Variants in LRBA observed in about 807,000 individuals in gnomAD.
The protein encoded by LRBA is lipopolysaccharide-responsive and beige-like anchor protein.
In LRBA, 176 loss-of-function variants were observed where a neutral mutation model predicts 330.0. The ratio of observed to expected loss-of-function variants is 0.53; its 90% confidence interval spans 0.47 to 0.60. The LOEUF is 0.60. LRBA is among the 20% of genes least tolerant of loss of function. LRBA has a pLI of 0.00. For synonymous variants in LRBA, 1,230 were observed against 1,193.0 expected (o/e 1.03, Z -0.64); for missense variants, 3,259 against 3,444.8 (o/e 0.95, Z 1.35).
intron 37 of LRBA, among the ~76,000 whole-genome samples, chr4:150,607,320 G>C (rs1185873956): frequency 6.6e-6 from 1 of 152,046 alleles, no homozygotes; most frequent in Non-Finnish European, 1.5e-5. Context: ...ATGGAGCCTA[G>C]AAGTGAAGGG....
intron 34 of LRBA, among the ~76,000 whole-genome samples, chr4:150,776,429 G>C (rs1737339120): frequency 1.3e-5 from 2 of 152,194 alleles, no homozygotes; most frequent in Non-Finnish European, 2.9e-5. Flanking sequence ...GGGGAAGAGG[G>C]GGAAAAGAGG....
intron 36 of LRBA, among the ~76,000 whole-genome samples, chr4:150,690,356 A>T (rs1784010361): frequency 6.6e-6 from 1 of 152,030 alleles, no homozygotes; most frequent in African/African-American, 2.4e-5. Flanking sequence ...CAAAAAAAGT[A>T]GTTTGGCATG....
intron 36 of LRBA, among the ~76,000 whole-genome samples, chr4:150,732,678 C>A (rs546698618): frequency 1.3e-5 from 2 of 152,086 alleles, no homozygotes; most frequent in Admixed American, 1.3e-4. Context: ...ATTTATCAGT[C>A]ATAGGCATTA....
At chr4:150,465,149 C>T (rs1180920093) in intron 44 of LRBA, among the ~76,000 whole-genome samples, 1 of 152,054 alleles carries the variant, frequency 6.6e-6, no homozygotes, top group Non-Finnish European at 1.5e-5. Flanking sequence ...TGGAATCATA[C>T]AGTATTTGCC....
intron 36 of LRBA, chr4:150,720,953 C>A: frequency 2.3e-6 from 1 of 443,356 alleles, no homozygotes; most frequent in Non-Finnish European, 4.5e-6. Flanking sequence ...AAGTGTTACC[C>A]AACAATATTA....
chr4:150,284,129 A>G (rs975211184), intron 54 of LRBA, among the ~76,000 whole-genome samples: 8 of 152,204 alleles, frequency 5.3e-5, no homozygotes, highest in African/African-American at 1.7e-4. Context: ...CCCTGCTGAG[A>G]CACTGTAGAT....
At chr4:150,661,736 G>A (rs1781128587) in intron 37 of LRBA, among the ~76,000 whole-genome samples, 1 of 151,874 alleles carries the variant, frequency 6.6e-6, no homozygotes, top group African/African-American at 2.4e-5. Flanking sequence ...TCAGCTTCCT[G>A]TGTAGCTGGG....
In LRBA at chr4:150,316,585, C is replaced by T. The variant is rs1032798928; in HGVS notation, c.7631-962G>A. On this transcript the variant is annotated intron_variant, in intron 50 of 56. Coordinates refer to ENST00000651943, the MANE Select transcript of LRBA (RefSeq NM_001364905.1). ...TTTCCCCAAACGACTCAGCCATTCACCCTGCTCAGTATCTACTTTTTATAG... is the reference window on the plus strand; with the variant it reads ...TTTCCCCAAACGACTCAGCCATTCATCCTGCTCAGTATCTACTTTTTATAG... Among the ~76,000 whole-genome samples, 4 of 152,262 alleles carry T rather than the reference C, an allele frequency of 2.6e-5. No individual in the cohort carries two copies. In the South Asian group the frequency reaches 8.3e-4, roughly 32 times the overall value.
At chr4:150,859,758 ACT>A (rs2126951942) in intron 22 of LRBA, among the ~76,000 whole-genome samples, 1 of 152,304 alleles carries the variant, frequency 6.6e-6, no homozygotes, top group South Asian at 2.1e-4. Context: ...TCCTGATGTA[ACT>A]CTGCAAAAGC....
At chr4:150,288,217 G>C (rs1471301245) in intron 53 of LRBA, among the ~76,000 whole-genome samples, 1 of 151,726 alleles carries the variant, frequency 6.6e-6, no homozygotes, top group Non-Finnish European at 1.5e-5. Flanking sequence ...CTGACCTCGT[G>C]ATCCGCCTGC....
At chr4:150,294,235 A>G (rs538245499) in intron 53 of LRBA, among the ~76,000 whole-genome samples, 19 of 152,344 alleles carry the variant, frequency 1.2e-4, no homozygotes, top group African/African-American at 4.6e-4. Flanking sequence ...AAATCTTACC[A>G]TGACATGTAC....
chr4:150,583,313 C>T lies in LRBA; in HGVS notation c.6330+4735G>A. ...AACTTCGTGGACGACGGCTCGCTGC[C>T]CGGCTGCGCAGTGCTCAAACTGAGC... On this transcript the variant is annotated intron_variant, in intron 40 of 56. Transcript: ENST00000651943. The surrounding 1 kb of genome is among the most constrained non-coding windows in gnomAD (Gnocchi z 9.8). 2 of 1,614,198 alleles carry T rather than the reference C, an allele frequency of 1.2e-6. No homozygotes were observed. The highest frequency in any genetic ancestry group is 2.2e-5 in the South Asian group (2 of 91,088).
At chr4:150,505,771 A>C (rs2152123021) in intron 40 of LRBA, among the ~76,000 whole-genome samples, 1 of 152,338 alleles carries the variant, frequency 6.6e-6, no homozygotes, top group Middle Eastern at 3.4e-3. Context: ...AAAACCCTTC[A>C]AAAAATTAAT....
intron 47 of LRBA, among the ~76,000 whole-genome samples, chr4:150,363,916 T>C (rs917624272): frequency 6.6e-6 from 1 of 152,238 alleles, no homozygotes; most frequent in Non-Finnish European, 1.5e-5. Flanking sequence ...ACTTGGTTGA[T>C]ACAGTGCTGG....
In LRBA at chr4:150,490,985, T is replaced by C. The variant is rs748074485; in HGVS notation, c.6381A>G (p.Ile2127Met). The C allele has an allele frequency of 1.2e-6, 2 of 1,609,794 alleles. No homozygotes were observed. Among genetic ancestry groups the C allele is most frequent in the South Asian group, 1.1e-5 (1 of 90,360 alleles). ...GLHGKWLFTEIRSIFSRRYLL... is the reference protein window; with the variant it reads ...GLHGKWLFTEMRSIFSRRYLL... ...GATAACGACGAGAAAAGATTGATCG[T>C]ATCTCTGTGAACAGCCATTTTCCAT... The change falls in exon 41 of 57, where the codon ATA becomes ATG. Residue 2127 changes from isoleucine to methionine, a missense_variant. Coordinates refer to ENST00000651943, the MANE Select transcript of LRBA (RefSeq NM_001364905.1).
chr4:150,842,370 T>C (rs1369375805), intron 28 of LRBA, among the ~76,000 whole-genome samples: 3 of 152,154 alleles, frequency 2.0e-5, no homozygotes, highest in African/African-American at 7.2e-5. Context: ...CACGGTAACC[T>C]TGACCTCCTA....
chr4:150,824,272 G>A (rs77829462), intron 30 of LRBA, among the ~76,000 whole-genome samples: 352 of 152,088 alleles, frequency 2.3e-3, no homozygotes, highest in South Asian at 9.5e-3. Flanking sequence ...GCTAATTTTT[G>A]TCATGCAACT....
At chr4:150,954,817 C>T (rs938229951) in intron 2 of LRBA, among the ~76,000 whole-genome samples, 1 of 45,500 alleles carries the variant, frequency 2.2e-5, no homozygotes, top group African/African-American at 1.4e-4. Flanking sequence ...ACTCAGAAAT[C>T]AAAAAAAAAA....
chr4:150,787,778 C>T (rs368660355), intron 34 of LRBA, among the ~76,000 whole-genome samples: 1 of 152,274 alleles, frequency 6.6e-6, no homozygotes, highest in African/African-American at 2.4e-5. Flanking sequence ...CATTAACCAT[C>T]CCCACCTCTC....
Sources: allele counts gnomAD v4.1 joint callset (sites outside exome capture counted in the v4.1 genomes callset), GRCh38; gene constraint gnomAD v4.1.1; non-coding constraint Gnocchi (gnomAD v3.1); transcripts MANE v1.5; gene names NCBI Gene and HGNC (gene_info 2026-07-23, HGNC 2026-07-21).